NTM: variants seen among roughly 807,000 people sequenced by gnomAD.
NTM encodes the protein neurotrimin.
In NTM, 13 loss-of-function variants were observed where a neutral mutation model predicts 42.1. The ratio of observed to expected loss-of-function variants is 0.31; its 90% CI spans 0.20 to 0.49. The LOEUF is 0.49. Among genes scored for constraint, NTM ranks in the 20% least tolerant of loss-of-function variants. NTM has a pLI of 0.99. For synonymous variants in NTM, 187 were observed against 179.2 expected, an observed-to-expected ratio of 1.04 and a Z score of -0.35; for missense variants, 373 against 452.8, an observed-to-expected ratio of 0.82 and a Z score of 1.60.
chr11:131,698,340 G>C (rs928818238), intron 1 of NTM, among the ~76,000 whole-genome samples: 47 of 152,036 alleles, frequency 3.1e-4, no homozygotes, highest in African/African-American at 1.1e-3. Flanking sequence ...TTGTGTCCTG[G>C]GTCCTTGGAG....
chr11:131,427,640 A>G (rs1442130062), intron 1 of NTM, among the ~76,000 whole-genome samples: 1 of 152,230 alleles, frequency 6.6e-6, no homozygotes, highest in African/African-American at 2.4e-5. Context: ...TGTCTCAGCT[A>G]AACTTCTTGA....
intron 1 of NTM, chr11:131,794,776 A>G (rs1461104445): frequency 2.1e-5 from 21 of 985,314 alleles, no homozygotes; most frequent in Non-Finnish European, 2.5e-5. Flanking sequence ...ACACCATGTG[A>G]AAAGCATTCA....
chr11:132,133,694 G>A (rs982278175), intron 2 of NTM, among the ~76,000 whole-genome samples: 9 of 152,108 alleles, frequency 5.9e-5, no homozygotes, highest in African/African-American at 2.2e-4. Flanking sequence ...GTGAGAACGA[G>A]GCCTAACGTA....
intron 4 of NTM, among the ~76,000 whole-genome samples, chr11:132,299,578 C>G (rs549002448): frequency 1.3e-5 from 2 of 152,294 alleles, no homozygotes; most frequent in Admixed American, 1.3e-4. Context: ...TTGCCATATG[C>G]ATACTCTACG....
chr11:132,230,234 G>A (rs1370071024), intron 4 of NTM, among the ~76,000 whole-genome samples: 4 of 152,152 alleles, frequency 2.6e-5, no homozygotes, highest in South Asian at 2.1e-4. Flanking sequence ...TAATAAAGAC[G>A]ATTATAAACA....
At chr11:131,621,571 A>G (rs1360030745) in intron 1 of NTM, among the ~76,000 whole-genome samples, 2 of 148,148 alleles carry the variant, frequency 1.3e-5, no homozygotes, top group African/African-American at 4.9e-5. Flanking sequence ...AGGCTGAGAC[A>G]GGAGAATTGC....
At chr11:132,006,406 AAG>A (rs2070798961) in intron 2 of NTM, among the ~76,000 whole-genome samples, 1 of 152,236 alleles carries the variant, frequency 6.6e-6, no homozygotes, top group South Asian at 2.1e-4. Context: ...CTACATAAAA[AAG>A]AGGAAAATAA....
intron 4 of NTM, among the ~76,000 whole-genome samples, chr11:132,273,893 G>T (rs2093608117): frequency 6.6e-6 from 1 of 152,086 alleles, no homozygotes; most frequent in African/African-American, 2.4e-5. Flanking sequence ...GGCAATAAGA[G>T]TGAAACTCCA....
At chr11:131,764,771 G>A (rs1401817970) in intron 1 of NTM, among the ~76,000 whole-genome samples, 8 of 152,066 alleles carry the variant, frequency 5.3e-5, no homozygotes, top group African/African-American at 9.7e-5. Context: ...AACATGACTC[G>A]AAGTTGCTCC....
chr11:131,424,400 G>A (rs899679196), intron 1 of NTM, among the ~76,000 whole-genome samples: 1 of 151,870 alleles, frequency 6.6e-6, no homozygotes, highest in Admixed American at 6.6e-5. Flanking sequence ...CTGAATTTCA[G>A]TTTCTCAGGG....
At chr11:131,789,636 A>AGAAAAG (rs1555127949) in intron 1 of NTM, among the ~76,000 whole-genome samples, 8 of 30,886 alleles carry the variant, frequency 2.6e-4, no homozygotes, top group Non-Finnish European at 3.6e-4. Context: ...AAGAAGAAGA[A>AGAAAAG]AAGAAGAAGA....
chr11:132,074,080 C>T (rs1190104167), intron 2 of NTM, among the ~76,000 whole-genome samples: 1 of 152,178 alleles, frequency 6.6e-6, no homozygotes, highest in Non-Finnish European at 1.5e-5. Context: ...CACAGATTCT[C>T]CCTCAACTAA....
At chr11:132,049,272 C>G (rs1056266764) in intron 2 of NTM, among the ~76,000 whole-genome samples, 1 of 152,120 alleles carries the variant, frequency 6.6e-6, no homozygotes, top group Non-Finnish European at 1.5e-5. Flanking sequence ...GGAAGACACC[C>G]CCAGGCGGCC....
intron 1 of NTM, among the ~76,000 whole-genome samples, chr11:131,407,679 A>G (rs1398677484): frequency 6.6e-6 from 1 of 152,218 alleles, no homozygotes; most frequent in Non-Finnish European, 1.5e-5. Context: ...GTCATCCCTG[A>G]TGGGTATAAA....
At chr11:131,555,954 T>A (rs548255780) in intron 1 of NTM, among the ~76,000 whole-genome samples, 1 of 152,170 alleles carries the variant, frequency 6.6e-6, no homozygotes, top group Non-Finnish European at 1.5e-5. Flanking sequence ...CCAACGGTGC[T>A]GCCCTTGTTT....
rs151200915 is a variant in NTM, at chr11:131,725,028, T to C, written c.83-186536T>C. On this transcript the variant is annotated intron_variant, in intron 1 of 8. Transcript: ENST00000683400. ...AGGGACAACAAGTTCAGGCCTATGA[T>C]CAAGGAGTATCTTGTTCTTCCTGAA... is the stretch of plus-strand genomic sequence containing the variant. 1.8e-4 allele frequency among the ~76,000 whole-genome samples: 27 copies of C among 152,248 alleles called. No homozygotes were observed. In the East Asian group the frequency reaches 3.9e-3, roughly 22 times the overall value.
intron 2 of NTM, among the ~76,000 whole-genome samples, chr11:131,936,932 A>C (rs532151446): frequency 6.6e-6 from 1 of 152,350 alleles, no homozygotes; most frequent in South Asian, 2.1e-4. Flanking sequence ...AGAACAGTTA[A>C]ATAACATATT....
rs535569644 is a variant in NTM at position 131,869,637 on chromosome 11, T to C, written c.83-41927T>C. 2.0e-5 allele frequency among the ~76,000 whole-genome samples: 3 copies of C among 152,368 alleles called. No homozygotes were observed. The South Asian group carries it at 6.2e-4, about 32-fold the overall frequency. On this transcript the variant is annotated intron_variant, in intron 1 of 8. Transcript: ENST00000683400. The stretch of plus-strand genomic sequence containing the variant: ...TCATTTTATTTTATTCTTAGGAGGA[T>C]GATAGACTTTTAGAAACAGAAGGAA...
chr11:131,631,317 T>A (rs968399654), intron 1 of NTM, among the ~76,000 whole-genome samples: 2 of 152,176 alleles, frequency 1.3e-5, no homozygotes, highest in Non-Finnish European at 2.9e-5. Context: ...ACCACGCAAA[T>A]AACAGAAAGC....
Sources: allele counts gnomAD v4.1 joint callset (sites outside exome capture counted in the v4.1 genomes callset), GRCh38; gene constraint gnomAD v4.1.1; transcripts MANE v1.5; gene names NCBI Gene and HGNC (gene_info 2026-07-23, HGNC 2026-07-21).